Variants in SUSD6 observed in about 807,000 individuals in gnomAD.
SUSD6 encodes sushi domain-containing protein 6.
SUSD6 carries 16 observed loss-of-function variants against 28.4 expected under a neutral mutation model. The observed-to-expected ratio is 0.56, with a 90% CI of 0.38 to 0.86. SUSD6 has a LOEUF of 0.86. Ranked by LOEUF, SUSD6 falls within the 40% of genes least tolerant of loss-of-function variation. The probability of loss-of-function intolerance (pLI) is 0.00; values close to 1 mark genes in which losing one functional copy is unlikely to be tolerated. For synonymous variants in SUSD6, 147 were observed against 159.6 expected (o/e 0.92, Z 0.59); for missense variants, 341 against 384.2 (o/e 0.89, Z 0.94).
At chr14:69,674,823 G>A (rs901732971) in intron 2 of SUSD6, among the ~76,000 whole-genome samples, 2 of 152,094 alleles carry the variant, frequency 1.3e-5, no homozygotes, top group Non-Finnish European at 2.9e-5. Context: ...TTCGGCCTTG[G>A]TTAATTGTTA....
rs561712289 is a variant in SUSD6, at chr14:69,651,285, G to A, written c.-80-7228G>A. Reference sequence around the variant, plus strand: ...AGGTGGGGTGGTAGTGTGTCTGCTGGCTTTCCTGTTGTCTGAAGTTGGGGA... The same window carrying A: ...AGGTGGGGTGGTAGTGTGTCTGCTGACTTTCCTGTTGTCTGAAGTTGGGGA... On this transcript the variant is annotated intron_variant, in intron 1 of 5. Transcript: ENST00000342745. 2.0e-5 allele frequency among the ~76,000 whole-genome samples: 3 copies of A among 152,292 alleles called. No individual in the cohort carries two copies. The South Asian group carries it at 6.2e-4, about 32-fold the overall frequency.
At position 69,713,882 on chromosome 14, in the gene SUSD6, G is replaced by A. The variant is rs1431641794; in HGVS notation, c.*2903G>A. On this transcript the variant is annotated 3_prime_UTR_variant, in exon 6 of 6. Transcript: ENST00000342745. ...GCACACTTGAGCTGACTCAGTGCAG[G>A]TTTAATATCCTGGTGACTTGCAGTC... is the stretch of plus-strand genomic sequence containing the variant. 6.8e-6 allele frequency: 1 copy of A among 147,954 alleles called. No individual in the cohort carries two copies. Among genetic ancestry groups the A allele is most frequent in the South Asian group, 2.1e-4 (1 of 4,692 alleles). The allele number at this position is 147,954 out of a possible 1,614,324, so 9.2% of individuals were successfully genotyped here.
At position 69,708,687 on chromosome 14, in the gene SUSD6, G is replaced by T. The variant is rs138311281; in HGVS notation, c.469G>T (p.Gly157Trp). ...CCTCCTCCACTCCAGGCGTGACCAG[G>T]GGGTATCTGGGGACCAGGTCTCCAT... Reference protein sequence around the residue: ...KSFHHSRRDQGVSGDQVSIMV... With the variant: ...KSFHHSRRDQWVSGDQVSIMV... Residue 157 changes from glycine to tryptophan, a missense_variant, in exon 5 of 6, where the codon GGG becomes TGG. Gly to Trp is a radical substitution (Grantham distance 184). Transcript: ENST00000342745. 181 of 1,575,304 alleles carry T rather than the reference G, an allele frequency of 1.1e-4. No homozygotes were observed. Among genetic ancestry groups the T allele is most frequent in the Middle Eastern group, 3.4e-4 (2 of 5,894 alleles).
At chr14:69,709,713 G>A (rs1886436210) in intron 5 of SUSD6, among the ~76,000 whole-genome samples, 2 of 152,234 alleles carry the variant, frequency 1.3e-5, no homozygotes, top group Admixed American at 6.5e-5. Context: ...TGCCTTCCAG[G>A]TGGCTCTAGC....
intron 2 of SUSD6, among the ~76,000 whole-genome samples, chr14:69,702,715 GTCT>G (rs1163482744): frequency 1.3e-5 from 2 of 152,232 alleles, no homozygotes; most frequent in Non-Finnish European, 2.9e-5. Flanking sequence ...GGCCCTCAGT[GTCT>G]TCTTCTTCAA....
intron 2 of SUSD6, among the ~76,000 whole-genome samples, chr14:69,675,454 A>G (rs1252825615): frequency 1.3e-5 from 2 of 152,078 alleles, no homozygotes; most frequent in African/African-American, 4.8e-5. Flanking sequence ...TTCCAGCAGG[A>G]TGGTGGCTAA....
chr14:69,613,379 T>G (rs1884910967), intron 1 of SUSD6, among the ~76,000 whole-genome samples: 1 of 152,220 alleles, frequency 6.6e-6, no homozygotes, highest in Non-Finnish European at 1.5e-5. Flanking sequence ...TTTGATAAAA[T>G]TGAACCTGGA....
intron 1 of SUSD6, among the ~76,000 whole-genome samples, chr14:69,638,923 T>C (rs1380481677): frequency 6.6e-6 from 1 of 152,160 alleles, no homozygotes; most frequent in Non-Finnish European, 1.5e-5. Context: ...TGAGCTCCTT[T>C]GGTCCAGTTT....
intron 2 of SUSD6, among the ~76,000 whole-genome samples, chr14:69,668,612 G>T (rs1885780056): frequency 6.9e-6 from 1 of 144,604 alleles, no homozygotes; most frequent in African/African-American, 2.5e-5. Context: ...TCCAGCCTGG[G>T]CAATAAGAGC....
At chr14:69,625,685 A>T (rs1885104200) in intron 1 of SUSD6, among the ~76,000 whole-genome samples, 1 of 152,152 alleles carries the variant, frequency 6.6e-6, no homozygotes. Context: ...GGGCAGATGG[A>T]CCACATCCAG....
intron 1 of SUSD6, among the ~76,000 whole-genome samples, chr14:69,635,570 C>A (rs1311445829): frequency 6.6e-6 from 1 of 151,300 alleles, no homozygotes; most frequent in Non-Finnish European, 1.5e-5. Context: ...GTCATCTCCT[C>A]TGCCCCCACT....
intron 2 of SUSD6, among the ~76,000 whole-genome samples, chr14:69,672,175 A>G (rs928992571): frequency 1.3e-5 from 2 of 152,184 alleles, no homozygotes; most frequent in Non-Finnish European, 1.5e-5. Context: ...ATCAAACACA[A>G]GTTTCCAACA....
intron 2 of SUSD6, among the ~76,000 whole-genome samples, chr14:69,691,150 C>G (rs1431026564): frequency 6.6e-6 from 1 of 152,028 alleles, no homozygotes; most frequent in Non-Finnish European, 1.5e-5. Context: ...AAGACCAGCC[C>G]AGGCAACATG....
rs1006461179 is a variant in SUSD6, at chr14:69,698,859, AT to A, written c.122-4528del. On this transcript the variant is annotated intron_variant, in intron 2 of 5. Transcript: ENST00000342745. ...AGAGGAAGCTAAAGATAATTCATTG[AT>A]TTTTTTTCCCCCTGTAAAATTGTCT... Among the ~76,000 whole-genome samples the A allele has an allele frequency of 7.9e-5, 12 of 152,108 alleles. No individual in the cohort carries two copies. In the South Asian group the frequency reaches 1.2e-3, roughly 16 times the overall value.
intron 1 of SUSD6, among the ~76,000 whole-genome samples, chr14:69,625,056 G>A (rs1329726586): frequency 3.3e-5 from 5 of 152,186 alleles, no homozygotes; most frequent in Non-Finnish European, 7.3e-5. Flanking sequence ...ACAACTAAAA[G>A]ATACTTAAAT....
chr14:69,692,840 C>T (rs576597509), intron 2 of SUSD6, among the ~76,000 whole-genome samples: 76 of 152,254 alleles, frequency 5.0e-4, no homozygotes, highest in African/African-American at 1.7e-3. Flanking sequence ...TCTGAGCTGC[C>T]GTAAACAGCC....
intron 1 of SUSD6, among the ~76,000 whole-genome samples, chr14:69,649,250 A>G (rs2139607910): frequency 6.6e-6 from 1 of 152,366 alleles, no homozygotes; most frequent in Admixed American, 6.5e-5. Context: ...GAAGACAGCC[A>G]GTAAATATTA....
intron 2 of SUSD6, among the ~76,000 whole-genome samples, chr14:69,687,713 G>A (rs540964091): frequency 6.6e-6 from 1 of 152,268 alleles, no homozygotes; most frequent in East Asian, 1.9e-4. Flanking sequence ...GCAGTATTGT[G>A]GGCTTCTCCC....
chr14:69,626,851 T>TA (rs577855990), intron 1 of SUSD6, among the ~76,000 whole-genome samples: 3,658 of 144,844 alleles, frequency 0.025, 104 homozygotes, highest in African/African-American at 0.076. Context: ...CCTGGCTAAT[T>TA]AAAAAAAAAA....
Sources: allele counts gnomAD v4.1 joint callset (sites outside exome capture counted in the v4.1 genomes callset), GRCh38; gene constraint gnomAD v4.1.1; transcripts MANE v1.5; gene names NCBI Gene and HGNC (gene_info 2026-07-23, HGNC 2026-07-21).